Variants in TTC13 observed in about 807,000 individuals in gnomAD.
TTC13 encodes the protein tetratricopeptide repeat domain 13, also known as tetratricopeptide repeat protein 13.
In TTC13, 62 loss-of-function variants were observed where a neutral mutation model predicts 120.0. The ratio of observed to expected loss-of-function variants is 0.52; its 90% CI spans 0.42 to 0.64. The LOEUF (loss-of-function observed/expected upper bound fraction) is 0.64, where lower values mean the gene tolerates loss of function less well. Ranked by LOEUF, TTC13 falls within the 30% of genes least tolerant of loss-of-function variation. The probability of loss-of-function intolerance (pLI) is 0.00; values close to 1 mark genes in which losing one functional copy is unlikely to be tolerated. For synonymous variants in TTC13, 384 were observed against 393.5 expected (o/e 0.98, Z 0.28); for missense variants, 824 against 1,050.2 (o/e 0.78, Z 2.98).
chr1:230,914,376 G>A (rs947785466), intron 18 of TTC13, among the ~76,000 whole-genome samples: 2 of 149,942 alleles, frequency 1.3e-5, no homozygotes, highest in African/African-American at 4.9e-5. Flanking sequence ...ACATAGTTAA[G>A]TATATTTTCC....
chr1:230,916,017 T>C (rs1398533200), intron 18 of TTC13, among the ~76,000 whole-genome samples, 176 bp downstream of exon 18: 1 of 152,124 alleles, frequency 6.6e-6, no homozygotes, highest in Non-Finnish European at 1.5e-5. Context: ...GCTGGTGTAA[T>C]ACTTTAGATG....
intron 4 of TTC13, among the ~76,000 whole-genome samples, chr1:230,951,194 A>T (rs932874091): frequency 1.3e-5 from 2 of 152,226 alleles, no homozygotes. Flanking sequence ...CTTTATATCA[A>T]AAAGTCATTC....
chr1:230,922,837 G>A (rs1029265373), intron 15 of TTC13, among the ~76,000 whole-genome samples: 2 of 152,166 alleles, frequency 1.3e-5, no homozygotes, highest in Non-Finnish European at 2.9e-5. Context: ...TTCAGCAGGT[G>A]GGGCTGTATC....
chr1:230,969,073 G>C (rs1677451665), intron 1 of TTC13, among the ~76,000 whole-genome samples: 2 of 152,048 alleles, frequency 1.3e-5, no homozygotes, highest in African/African-American at 4.8e-5. Context: ...AGGAGATCGA[G>C]ACCACGGTGA....
Position 230,940,046 on chromosome 1 carries a change from G to A in TTC13, c.789+394C>T, listed in dbSNP as rs1048125171. On this transcript the variant is annotated intron_variant, in intron 7 of 22. Coordinates refer to ENST00000366661, the MANE Select transcript of TTC13 (RefSeq NM_024525.5). This position sits in a 1 kb window ranked among gnomAD's most constrained non-coding sequence, Gnocchi z 4.1. ...GTCTGGAAAGCCATGCTAGTTCAGG[G>A]TGTGTTTCTTGGGCTGTGAAACCCA... is the stretch of plus-strand genomic sequence containing the variant. Among the ~76,000 whole-genome samples, 1 of 152,190 alleles carries A rather than the reference G, an allele frequency of 6.6e-6. No homozygotes were observed. The highest frequency in any genetic ancestry group is 2.4e-5 in the African/African-American group (1 of 41,444).
Position 230,920,500 on chromosome 1 carries a change from C to T in TTC13, c.1983+10G>A, listed in dbSNP as rs767724500. 5.0e-6 allele frequency: 8 copies of T among 1,605,566 alleles called. No homozygotes were observed. In the South Asian group the frequency reaches 7.7e-5, roughly 16 times the overall value. ...AAAAACATGGACTGCCATTCTGATG[C>T]TAAAGTTACCTTCATAATCGGAAGA... On this transcript the variant is annotated intron_variant, in intron 17 of 22. Coordinates refer to ENST00000366661, the MANE Select transcript of TTC13 (RefSeq NM_024525.5).
chr1:230,975,792 TG>T (rs1678244141), intron 1 of TTC13, among the ~76,000 whole-genome samples: 1 of 152,312 alleles, frequency 6.6e-6, no homozygotes, highest in Non-Finnish European at 1.5e-5. Flanking sequence ...CATCCATGCC[TG>T]TCACTTCTGC....
intron 4 of TTC13, among the ~76,000 whole-genome samples, chr1:230,949,265 C>T (rs1675308182): frequency 0.01 from 1 of 98 alleles, no homozygotes; most frequent in South Asian, 0.5. Context: ...TAGTGGGGTG[C>T]AGGTCAATGG....
At chr1:230,924,293 T>C (rs1672849512) in intron 14 of TTC13, among the ~76,000 whole-genome samples, 1 of 152,222 alleles carries the variant, frequency 6.6e-6, no homozygotes, top group African/African-American at 2.4e-5. Context: ...TCTAAAATGC[T>C]TCATGTAAAT....
At chr1:230,928,825 A>C in intron 12 of TTC13, 112 bp downstream of exon 12, 1 of 1,014,142 alleles carries the variant, frequency 9.9e-7, no homozygotes, top group Non-Finnish European at 1.4e-6. Context: ...TCCTGGCCCC[A>C]GGCAATTCTA....
chr1:230,928,955 C>T lies in TTC13; in HGVS notation c.1439G>A (p.Gly480Glu), dbSNP rs776602258. The T allele has an allele frequency of 3.1e-6, 5 of 1,613,794 alleles. No homozygotes were observed. The highest frequency in any genetic ancestry group is 4.2e-6 in the Non-Finnish European group (5 of 1,179,970). Residue 480 changes from glycine (G) to glutamate (E), a missense_variant, in exon 12 of 23, where the codon GGG becomes GAG. Gly to Glu is a moderately conservative substitution (Grantham distance 98). Around this residue, in one of 4 missense-constraint regions of TTC13, gnomAD observed 430 missense variants for 626.8 expected, o/e 0.69. Coordinates refer to ENST00000366661, the MANE Select transcript of TTC13 (RefSeq NM_024525.5). ...FLIEDYEEQP[G>E]LQPHIKDVLH... ...CACTTACTTTATGTGGGGTTGCAAC[C>T]CTGGCTGCTCTTCGTAGTCTTCTAT...
rs909911438 is a variant in TTC13 at position 230,978,223 on chromosome 1, G to C, written c.271+337C>G. On this transcript the variant is annotated intron_variant, in intron 1 of 22. Transcript: ENST00000366661. The surrounding 1 kb of genome is among the most constrained non-coding windows in gnomAD (Gnocchi z 5.6). The stretch of plus-strand genomic sequence containing the variant: ...TCGGCATCCTCGGGAGGCCGGCGGC[G>C]GGAACAGGGCTGCCCCGGGCCACCT... Among the ~76,000 whole-genome samples the C allele has an allele frequency of 6.6e-6, 1 of 152,118 alleles. No homozygotes were observed. Among genetic ancestry groups the C allele is most frequent in the Non-Finnish European group, 1.5e-5 (1 of 68,010 alleles).
intron 8 of TTC13, among the ~76,000 whole-genome samples, chr1:230,937,818 C>T (rs369335498): frequency 2.6e-5 from 4 of 152,306 alleles, no homozygotes; most frequent in East Asian, 1.9e-4. Context: ...TGAATCCTCA[C>T]GATCACTCCA....
At chr1:230,952,266 T>G (rs1423153304) in intron 4 of TTC13, among the ~76,000 whole-genome samples, 2 of 152,158 alleles carry the variant, frequency 1.3e-5, no homozygotes, top group Admixed American at 1.3e-4. Context: ...CCATGTGCCA[T>G]GCAGATATTA....
intron 4 of TTC13, 113 bp from the exon 5 acceptor site, chr1:230,945,567 T>C: frequency 1.1e-6 from 1 of 905,134 alleles, no homozygotes; most frequent in Non-Finnish European, 1.8e-6. Context: ...TTCTTTATGC[T>C]ACGACCACTC....
At chr1:230,951,900 T>C (rs954155671) in intron 4 of TTC13, among the ~76,000 whole-genome samples, 32 of 152,194 alleles carry the variant, frequency 2.1e-4, no homozygotes, top group Non-Finnish European at 5.9e-5. Flanking sequence ...CTTTGGACAT[T>C]TGCTATCACC....
chr1:230,951,374 TAA>T (rs1225960531), intron 4 of TTC13, among the ~76,000 whole-genome samples: 20 of 135,680 alleles, frequency 1.5e-4, no homozygotes, highest in Non-Finnish European at 1.3e-4. Flanking sequence ...ATGAGCTGTC[TAA>T]AAAAAAAAAA....
intron 12 of TTC13, 104 bp from the exon 13 acceptor site, chr1:230,925,751 G>A (rs1168239606): frequency 7.6e-7 from 1 of 1,310,968 alleles, no homozygotes; most frequent in East Asian, 2.3e-5. Context: ...AACTAATGAA[G>A]CAGTCTACGA....
intron 18 of TTC13, among the ~76,000 whole-genome samples, chr1:230,914,158 G>A (rs1210957802): frequency 1.3e-5 from 2 of 152,086 alleles, no homozygotes; most frequent in African/African-American, 4.8e-5. Context: ...GAGGAAAGAT[G>A]TCACGTTTCA....
Sources: allele counts gnomAD v4.1 joint callset (sites outside exome capture counted in the v4.1 genomes callset), GRCh38; gene constraint gnomAD v4.1.1; regional missense constraint gnomAD v4.1.1; non-coding constraint Gnocchi (gnomAD v3.1); transcripts MANE v1.5; gene names NCBI Gene and HGNC (gene_info 2026-07-23, HGNC 2026-07-21).